SELP: variants seen among roughly 807,000 people sequenced by gnomAD.
SELP encodes the protein selectin P, also known as P-selectin.
Under a neutral mutation model 104.1 loss-of-function variants are expected in SELP, and 92 were observed. That is an observed-to-expected ratio of 0.88 (90% confidence interval 0.75 to 1.05). The LOEUF (loss-of-function observed/expected upper bound fraction) is 1.05. Ranked by LOEUF, SELP falls within the 50% of genes least tolerant of loss-of-function variation. SELP has a pLI of 0.00. For missense variants in SELP, 1,022 were observed against 1,017.3 expected (o/e 1.00, Z -0.06); for synonymous variants, 397 against 364.5 (o/e 1.09, Z -1.01).
At chr1:169,607,462 A>G (rs1428787724) in intron 8 of SELP, among the ~76,000 whole-genome samples, 1 of 152,134 alleles carries the variant, frequency 6.6e-6, no homozygotes, top group African/African-American at 2.4e-5. Flanking sequence ...TATTTGTAAG[A>G]GCGGAATATT....
chr1:169,613,063 C>T lies in SELP; in HGVS notation c.641G>A (p.Ser214Asn), dbSNP rs746791960. Residue 214 changes from serine (S) to asparagine (N), a missense_variant, in exon 5 of 17, where the codon AGC (serine) becomes AAC (asparagine). Physicochemically the swap from Ser to Asn is conservative, Grantham distance 46. Coordinates refer to ENST00000263686, the MANE Select transcript of SELP (RefSeq NM_003005.4). ...AAAAGAGAAGTTTCCCAGAGGGTGG[C>T]TGCAGTTCATGAGCACGTGTTGAGG... ...ELPQHVLMNCSHPLGNFSFNS... is the reference protein window; with the variant it reads ...ELPQHVLMNCNHPLGNFSFNS... 3 of 1,613,490 alleles carry T rather than the reference C, an allele frequency of 1.9e-6. No individual in the cohort carries two copies. Among genetic ancestry groups the T allele is most frequent in the African/African-American group, 1.3e-5 (1 of 74,894 alleles).
At chr1:169,620,827 G>GTGTGTGTGTGTT (rs1169145127) in intron 1 of SELP, among the ~76,000 whole-genome samples, 1 of 121,136 alleles carries the variant, frequency 8.3e-6, no homozygotes, top group African/African-American at 3.2e-5. Context: ...GTGTGTGTGT[G>GTGTGTGTGTGTT]TATGTGTCAT....
chr1:169,616,664 G>A (rs921890006), intron 3 of SELP, among the ~76,000 whole-genome samples: 10 of 151,962 alleles, frequency 6.6e-5, no homozygotes, highest in African/African-American at 2.4e-4. Context: ...AAGACACAGG[G>A]GTGAAAAAAA....
chr1:169,603,584 T>C (rs1662033291), intron 9 of SELP, among the ~76,000 whole-genome samples: 1 of 152,118 alleles, frequency 6.6e-6, no homozygotes, highest in Non-Finnish European at 1.5e-5. Context: ...TGGAACTGGT[T>C]TCTCCCTTGA....
intron 11 of SELP, among the ~76,000 whole-genome samples, chr1:169,596,636 C>A (rs1274907545): frequency 6.6e-6 from 1 of 152,194 alleles, no homozygotes; most frequent in African/African-American, 2.4e-5. Flanking sequence ...GATGATTGAC[C>A]TCTCTGCACC....
At chr1:169,598,468 T>A (rs960361516) in intron 10 of SELP, among the ~76,000 whole-genome samples, 1 of 152,226 alleles carries the variant, frequency 6.6e-6, no homozygotes, top group Non-Finnish European at 1.5e-5. Flanking sequence ...ATTGAAGGAT[T>A]ATGGATTCTT....
In SELP at chr1:169,627,981, C is replaced by T. The variant is rs1487358416; in HGVS notation, c.3+2091G>A. On this transcript the variant is annotated intron_variant, in intron 1 of 16. Coordinates refer to ENST00000263686, the MANE Select transcript of SELP (RefSeq NM_003005.4). ...TGTGATCTCAACTCACTGCCACCTC[C>T]ACCTCCTGGGTTCAAGAGTTTGTCC... is the stretch of plus-strand genomic sequence containing the variant. Among the ~76,000 whole-genome samples, 12 of 152,290 alleles carry T rather than the reference C, an allele frequency of 7.9e-5. No individual in the cohort carries two copies. In the East Asian group the frequency reaches 2.3e-3, roughly 29 times the overall value.
intron 1 of SELP, 53 bp downstream of exon 1, chr1:169,630,019 A>G: frequency 1.2e-6 from 2 of 1,613,016 alleles, no homozygotes; most frequent in Admixed American, 1.7e-5. Context: ...ACTTTACTCC[A>G]TACCACTCCA....
chr1:169,629,846 T>A (rs1663549434), intron 1 of SELP, among the ~76,000 whole-genome samples: 2 of 152,238 alleles, frequency 1.3e-5, no homozygotes. Context: ...TAAACCACGA[T>A]GGCTTTATTT....
At chr1:169,616,959 G>A in intron 3 of SELP, 69 bp downstream of exon 3, 2 of 1,361,756 alleles carry the variant, frequency 1.5e-6, no homozygotes, top group Non-Finnish European at 1.9e-6. Context: ...CGGTGGTTAT[G>A]TTGGCCAACC....
Position 169,612,259 on chromosome 1 carries a change from T to G in SELP, c.919A>C (p.Thr307Pro). Residue 307 changes from threonine (T) to proline (P), a missense_variant, in exon 6 of 17, where the codon ACA becomes CCA. Physicochemically the swap from Thr to Pro is conservative, Grantham distance 38. Coordinates refer to ENST00000263686, the MANE Select transcript of SELP (RefSeq NM_003005.4). ...ALVGPEVVQCTASGVWTAPAP... is the reference protein window; with the variant it reads ...ALVGPEVVQCPASGVWTAPAP... Reference sequence around the variant, plus strand: ...GGGGCTGTCCATACCCCCGAGGCTGTGCATTGCACCACTTCCGGTCCAACT... The same window carrying G: ...GGGGCTGTCCATACCCCCGAGGCTGGGCATTGCACCACTTCCGGTCCAACT... The G allele has an allele frequency of 6.2e-7, 1 of 1,614,152 alleles. No homozygotes were observed. The highest frequency in any genetic ancestry group is 8.5e-7 in the Non-Finnish European group (1 of 1,180,002).
At position 169,612,224 on chromosome 1, in the gene SELP, C is replaced by T. The variant is rs1426278241; in HGVS notation, c.954G>A (p.Val318=). The change falls in exon 6 of 17, where the codon GTG becomes GTA. Residue 318 remains valine (V), a synonymous_variant. Coordinates refer to ENST00000263686, the MANE Select transcript of SELP (RefSeq NM_003005.4). ...ASGVWTAPAP[V]CKAVQCQHLE... ...CAACTACCTGAAACTCACCTTTACA[C>T]ACTGGGGCTGGGGCTGTCCATACCC... 4 of 1,613,720 alleles carry T rather than the reference C, an allele frequency of 2.5e-6. No individual in the cohort carries two copies. The highest frequency in any genetic ancestry group is 2.7e-5 in the African/African-American group (2 of 74,884).
At chr1:169,596,379 T>C (rs2101871060) in intron 11 of SELP, among the ~76,000 whole-genome samples, 2 of 152,276 alleles carry the variant, frequency 1.3e-5, no homozygotes, top group Middle Eastern at 6.8e-3. Flanking sequence ...AGAGGAGTCA[T>C]TGTTGTTGCT....
chr1:169,609,422 A>T, intron 8 of SELP, 82 bp downstream of exon 8: 1 of 1,335,890 alleles, frequency 7.5e-7, no homozygotes, highest in Non-Finnish European at 1.0e-6. Flanking sequence ...CTGATAAAGA[A>T]AGGCATGCCA....
At chr1:169,611,786 T>C (rs1662550160) in intron 6 of SELP, 109 bp from the exon 7 acceptor site, 2 of 1,094,786 alleles carry the variant, frequency 1.8e-6, no homozygotes, top group South Asian at 3.0e-5. Flanking sequence ...TAGCAAGATG[T>C]AAAGGTCAAG....
intron 1 of SELP, among the ~76,000 whole-genome samples, chr1:169,624,856 C>A (rs753161536): frequency 6.6e-6 from 1 of 152,142 alleles, no homozygotes; most frequent in Non-Finnish European, 1.5e-5. Flanking sequence ...AAGGAGGTAC[C>A]AGAGGCTAGT....
chr1:169,612,448 T>C (rs1324044146), intron 5 of SELP, 46 bp from the exon 6 acceptor site: 2 of 1,594,668 alleles, frequency 1.3e-6, no homozygotes, highest in South Asian at 2.2e-5. Context: ...GGACAAATTT[T>C]GTCCATCACC....
rs1031761614 is a variant in SELP, at chr1:169,591,293, G to A, written c.2438+133C>T. 6.4e-5 allele frequency: 35 copies of A among 543,506 alleles called. No homozygotes were observed. In the South Asian group the frequency reaches 7.8e-4, roughly 12 times the overall value. 33.7% of individuals were successfully genotyped at this position (543,506 alleles called of 1,614,324 possible). ...TGTTATCTGTGTATTTTACTTCAGA[G>A]TAGAAAAGAAGACATTGCAAAAGAC... is the stretch of plus-strand genomic sequence containing the variant. On this transcript the variant is annotated intron_variant, in intron 15 of 16. Transcript: ENST00000263686.
intron 9 of SELP, among the ~76,000 whole-genome samples, chr1:169,604,464 C>A (rs994490642): frequency 3.9e-5 from 6 of 152,130 alleles, no homozygotes; most frequent in African/African-American, 1.4e-4. Context: ...AATTAGATCC[C>A]ATTTGTCAAT....
Sources: gnomAD v4.1 joint callset for allele counts (sites outside exome capture counted in the v4.1 genomes callset) on GRCh38, gnomAD v4.1.1 for gene constraint, MANE v1.5 for transcripts, NCBI Gene and HGNC (gene_info 2026-07-23, HGNC 2026-07-21) for gene names.